The following CACNA2D3 variants were observed in gnomAD, a reference collection of about 807,000 sequenced individuals.
CACNA2D3 encodes voltage-dependent calcium channel subunit alpha-2/delta-3.
Under a neutral mutation model 160.6 loss-of-function variants are expected in CACNA2D3, and 60 were observed. The observed-to-expected ratio is 0.37, with a 90% CI of 0.30 to 0.46. The LOEUF (loss-of-function observed/expected upper bound fraction) is 0.46, where lower values mean the gene tolerates loss of function less well. Among genes scored for constraint, CACNA2D3 ranks in the 20% least tolerant of loss-of-function variants. CACNA2D3 has a pLI of 1.00. For missense variants in CACNA2D3, 1,205 were observed against 1,365.0 expected (o/e 0.88, Z 1.85); for synonymous variants, 558 against 492.9 (o/e 1.13, Z -1.75).
intron 17 of CACNA2D3, among the ~76,000 whole-genome samples, chr3:54,862,811 A>G (rs997992185): frequency 3.9e-5 from 6 of 152,112 alleles, no homozygotes; most frequent in Admixed American, 2.0e-4. Context: ...GAAAGTTAAC[A>G]TTTTGTAGTG....
At chr3:54,582,779 G>T (rs1702699373) in intron 9 of CACNA2D3, among the ~76,000 whole-genome samples, 1 of 152,220 alleles carries the variant, frequency 6.6e-6, no homozygotes, top group Admixed American at 6.5e-5. Flanking sequence ...GGCTCGTATT[G>T]TGTTGGTGCT....
chr3:54,922,044 C>T (rs1700867355), intron 27 of CACNA2D3, among the ~76,000 whole-genome samples: 1 of 152,132 alleles, frequency 6.6e-6, no homozygotes, highest in Non-Finnish European at 1.5e-5. Flanking sequence ...ACATCCAGGT[C>T]TTATTACCCC....
chr3:54,537,943 G>A (rs1701914441), intron 5 of CACNA2D3, among the ~76,000 whole-genome samples: 1 of 152,106 alleles, frequency 6.6e-6, no homozygotes. Context: ...AATCTGAGAG[G>A]GCTCGTGGTT....
intron 3 of CACNA2D3, 21 bp from the exon 4 acceptor site, chr3:54,386,694 G>GTTTT (rs62967361): frequency 0.013 from 18,707 of 1,393,656 alleles, 24 homozygotes; most frequent in South Asian, 0.015. Context: ...GCTGTCTTCT[G>GTTTT]TTTTTTTTTT....
chr3:54,603,162 T>A (rs958481057), intron 9 of CACNA2D3, among the ~76,000 whole-genome samples: 3 of 152,154 alleles, frequency 2.0e-5, no homozygotes, highest in African/African-American at 7.2e-5. Flanking sequence ...GCAGAATCAA[T>A]TAGGAAGCTG....
intron 2 of CACNA2D3, among the ~76,000 whole-genome samples, chr3:54,149,689 G>A (rs1223113756): frequency 6.6e-6 from 1 of 152,122 alleles, no homozygotes; most frequent in African/African-American, 2.4e-5. Flanking sequence ...ACATGACGAG[G>A]AGCAGCTTGT....
chr3:54,545,510 A>G (rs568103735), intron 5 of CACNA2D3, among the ~76,000 whole-genome samples: 1 of 152,314 alleles, frequency 6.6e-6, no homozygotes, highest in East Asian at 1.9e-4. Context: ...GACTTGCAAC[A>G]TTATTTCCCA....
intron 27 of CACNA2D3, among the ~76,000 whole-genome samples, chr3:54,953,730 C>G (rs1466609253): frequency 2.0e-5 from 3 of 152,182 alleles, no homozygotes; most frequent in Admixed American, 2.0e-4. Context: ...CTTGGGGCAA[C>G]CTCGGGCTCC....
At chr3:54,393,142 G>C (rs1057148283) in intron 4 of CACNA2D3, among the ~76,000 whole-genome samples, 6 of 152,190 alleles carry the variant, frequency 3.9e-5, no homozygotes, top group African/African-American at 1.4e-4. Flanking sequence ...CCCAAGGTGG[G>C]GTCAGTTCAA....
intron 4 of CACNA2D3, among the ~76,000 whole-genome samples, chr3:54,469,599 A>T (rs148169211): frequency 1.3e-5 from 2 of 152,146 alleles, no homozygotes; most frequent in Non-Finnish European, 2.9e-5. Context: ...TGACAGAAGT[A>T]GGCTTCAGAA....
At chr3:54,457,942 C>G (rs1024470043) in intron 4 of CACNA2D3, among the ~76,000 whole-genome samples, 1 of 151,966 alleles carries the variant, frequency 6.6e-6, no homozygotes, top group African/African-American at 2.4e-5. Flanking sequence ...TATCATTTTT[C>G]TATTCCTTTA....
intron 31 of CACNA2D3, among the ~76,000 whole-genome samples, chr3:54,989,474 G>C (rs1401184582): frequency 6.6e-6 from 1 of 152,192 alleles, no homozygotes; most frequent in Non-Finnish European, 1.5e-5. Flanking sequence ...AACCTCCTGG[G>C]CTTCTTTGAC....
At chr3:54,725,597 G>C (rs1701261328) in intron 11 of CACNA2D3, among the ~76,000 whole-genome samples, 1 of 152,136 alleles carries the variant, frequency 6.6e-6, no homozygotes, top group Non-Finnish European at 1.5e-5. Flanking sequence ...TGGGATGCAA[G>C]GTTGGTTCAA....
intron 2 of CACNA2D3, among the ~76,000 whole-genome samples, chr3:54,133,068 A>C (rs997024816): frequency 2.0e-5 from 3 of 152,154 alleles, no homozygotes; most frequent in African/African-American, 7.2e-5. Context: ...TAGTTTGTCC[A>C]CTTGAGGGGT....
At chr3:54,935,638 T>G (rs1465488716) in intron 27 of CACNA2D3, among the ~76,000 whole-genome samples, 1 of 152,230 alleles carries the variant, frequency 6.6e-6, no homozygotes, top group African/African-American at 2.4e-5. Context: ...ACACATGAAA[T>G]GAGTGTTTTT....
chr3:54,923,094 G>A (rs1027007164), intron 27 of CACNA2D3, among the ~76,000 whole-genome samples: 5 of 152,012 alleles, frequency 3.3e-5, no homozygotes, highest in Admixed American at 6.6e-5. Flanking sequence ...GCAGCCTTTC[G>A]TCAGTTCTCC....
In CACNA2D3 at chr3:54,879,096, T is replaced by C; in HGVS notation, c.1782+7T>C. ...GAAGACAGTGGACAAAGGGGTACAT[T>C]TTTCTCAAACATTTTTGCTGCTTAA... On this transcript the variant is annotated splice_region_variant and intron_variant, in intron 19 of 37. Coordinates refer to ENST00000474759, the MANE Select transcript of CACNA2D3 (RefSeq NM_018398.3). The C allele has an allele frequency of 6.3e-7, 1 of 1,575,010 alleles. No homozygotes were observed. The highest frequency in any genetic ancestry group is 8.6e-7 in the Non-Finnish European group (1 of 1,158,054).
At chr3:54,575,659 G>A (rs962281400) in intron 8 of CACNA2D3, among the ~76,000 whole-genome samples, 7 of 152,154 alleles carry the variant, frequency 4.6e-5, no homozygotes, top group Non-Finnish European at 2.9e-5. Context: ...TGCAGTCTTG[G>A]AGAGGGAGTA....
chr3:54,897,073 A>G (rs528541671), intron 26 of CACNA2D3: 61 of 527,082 alleles, frequency 1.2e-4, no homozygotes, highest in African/African-American at 1.0e-3. Context: ...TTTTTCCTTT[A>G]CCAAATTATG....
Sources: gnomAD v4.1 joint callset for allele counts (sites outside exome capture counted in the v4.1 genomes callset) on GRCh38, gnomAD v4.1.1 for gene constraint, MANE v1.5 for transcripts, NCBI Gene and HGNC (gene_info 2026-07-23, HGNC 2026-07-21) for gene names.